TRIM59: variants seen among roughly 807,000 people sequenced by gnomAD.
TRIM59 encodes the protein tripartite motif-containing protein 59.
In TRIM59, 14 loss-of-function variants were observed where a neutral mutation model predicts 32.2. That is an observed-to-expected ratio of 0.43 (90% CI 0.29 to 0.68). TRIM59 has a LOEUF of 0.68. Ranked by LOEUF, TRIM59 falls within the 30% of genes least tolerant of loss-of-function variation. The probability of loss-of-function intolerance (pLI) is 0.15; values close to 1 mark genes in which losing one functional copy is unlikely to be tolerated. For missense variants in TRIM59, 471 were observed against 463.3 expected, an observed-to-expected ratio of 1.02 and a Z score of -0.15; for synonymous variants, 163 against 155.1, an observed-to-expected ratio of 1.05 and a Z score of -0.38.
At position 160,436,416 on chromosome 3, in the gene TRIM59, C is replaced by T. The variant is rs138943976; in HGVS notation, c.*1556G>A. On this transcript the variant is annotated 3_prime_UTR_variant, in exon 3 of 3. Coordinates refer to ENST00000309784, the MANE Select transcript of TRIM59 (RefSeq NM_173084.3). ...GTTGCATGGACAGTGGGCCAAAAGT[C>T]GTAACACATGCATCATAACTCCAGT... is the stretch of plus-strand genomic sequence containing the variant. 1.0e-4 allele frequency: 102 copies of T among 985,888 alleles called. 1 individual carries two copies. The East Asian group carries it at 9.0e-3, about 87-fold the overall frequency. 61.1% of individuals were successfully genotyped at this position (985,888 alleles called of 1,614,324 possible).
At chr3:160,441,807 A>T (rs1032029814) in intron 2 of TRIM59, among the ~76,000 whole-genome samples, 1 of 152,110 alleles carries the variant, frequency 6.6e-6, no homozygotes, top group African/African-American at 2.4e-5. Flanking sequence ...TCAAACTGAC[A>T]ATATTCAGAT....
chr3:160,446,648 A>G (rs1719544151), intron 2 of TRIM59, among the ~76,000 whole-genome samples: 1 of 152,150 alleles, frequency 6.6e-6, no homozygotes, highest in African/African-American at 2.4e-5. Context: ...GGGAAGATGT[A>G]GAGTTATCAT....
rs1315572689 is a variant in TRIM59 at position 160,438,404 on chromosome 3, A to C, written c.780T>G (p.His260Gln). Residue 260 changes from histidine to glutamine, a missense_variant, in exon 3 of 3, where the codon CAT (histidine) becomes CAG (glutamine). Coordinates refer to ENST00000309784, the MANE Select transcript of TRIM59 (RefSeq NM_173084.3). ...FLEKVDDVRQHVQILKQRPLP... is the reference protein window; with the variant it reads ...FLEKVDDVRQQVQILKQRPLP... ...GTGGTCTTTGTTTCAAGATCTGTAC[A>C]TGCTGGCGTACATCATCAACTTTTT... 3 of 1,614,022 alleles carry C rather than the reference A, an allele frequency of 1.9e-6. No individual in the cohort carries two copies. Among genetic ancestry groups the C allele is most frequent in the Middle Eastern group, 1.7e-4 (1 of 6,060 alleles).
In TRIM59 at chr3:160,438,367, G is replaced by C; in HGVS notation, c.817C>G (p.Gln273Glu). 6.2e-7 allele frequency: 1 copy of C among 1,613,656 alleles called. No individual in the cohort carries two copies. The highest frequency in any genetic ancestry group is 2.2e-5 in the East Asian group (1 of 44,860). ...ACTCGAGGATAAATTTCAACGGGTT[G>C]AACCTCAGGAAGTGGTCTTTGTTTC... is the stretch of plus-strand genomic sequence containing the variant. ...ILKQRPLPEVQPVEIYPRVSK... is the reference protein window; with the variant it reads ...ILKQRPLPEVEPVEIYPRVSK... The change falls in exon 3 of 3, where the codon CAA becomes GAA. Residue 273 changes from glutamine to glutamate, a missense_variant. Gln to Glu is a conservative substitution (Grantham distance 29). Transcript: ENST00000309784.
intron 2 of TRIM59, among the ~76,000 whole-genome samples, chr3:160,440,845 C>A (rs149361382): frequency 1.3e-5 from 2 of 151,858 alleles, no homozygotes; most frequent in Non-Finnish European, 2.9e-5. Context: ...CAGTAGGTGG[C>A]GGTTGCAGTG....
Position 160,436,366 on chromosome 3 carries a change from G to GA in TRIM59, c.*1605dup, listed in dbSNP as rs1718946008. The GA allele has an allele frequency of 2.0e-6, 2 of 986,108 alleles. No individual in the cohort carries two copies. 61.1% of individuals were successfully genotyped at this position (986,108 alleles called of 1,614,324 possible). A position where few individuals can be genotyped will look rare whatever the true frequency, so the allele number is the denominator to read the frequency against. On this transcript the variant is annotated 3_prime_UTR_variant, in exon 3 of 3. Transcript: ENST00000309784. ...AAGAGCAGCCCCTTTGGGATTTCTG[G>GA]AAAGCAAATCAACCTGCACTTAGAG...
rs748177360 is a variant in TRIM59, at chr3:160,438,364, G to A, written c.820C>T (p.Pro274Ser). The A allele has an allele frequency of 4.3e-6, 7 of 1,613,562 alleles. No homozygotes were observed. Among genetic ancestry groups the A allele is most frequent in the Middle Eastern group, 1.6e-4 (1 of 6,082 alleles). Reference sequence around the variant, plus strand: ...CTTACTCGAGGATAAATTTCAACGGGTTGAACCTCAGGAAGTGGTCTTTGT... The same window carrying A: ...CTTACTCGAGGATAAATTTCAACGGATTGAACCTCAGGAAGTGGTCTTTGT... ...LKQRPLPEVQPVEIYPRVSKI... is the reference protein window; with the variant it reads ...LKQRPLPEVQSVEIYPRVSKI... Residue 274 changes from proline (P) to serine (S), a missense_variant, in exon 3 of 3, where the codon CCC becomes TCC. By Grantham distance (74) the Pro-to-Ser change is moderately conservative. Transcript: ENST00000309784.
intron 2 of TRIM59, among the ~76,000 whole-genome samples, chr3:160,446,630 T>C (rs1719543151): frequency 6.6e-6 from 1 of 152,162 alleles, no homozygotes; most frequent in Non-Finnish European, 1.5e-5. Context: ...TGCCAGGGCT[T>C]GAGAGCAGGG....
At chr3:160,442,032 A>G (rs1259944010) in intron 2 of TRIM59, among the ~76,000 whole-genome samples, 1 of 152,244 alleles carries the variant, frequency 6.6e-6, no homozygotes, top group Non-Finnish European at 1.5e-5. Flanking sequence ...TGTGTTTTTC[A>G]GAGTATTTCA....
rs1719052447 is a variant in TRIM59 at position 160,437,758 on chromosome 3, T to G, written c.*214A>C. On this transcript the variant is annotated 3_prime_UTR_variant, in exon 3 of 3. Transcript: ENST00000309784. ...TAAAAATGGGATAGTGTATTACTTTTCAAATTGTTACTAGATTCTGTTTCC... is the reference window on the plus strand; with the variant it reads ...TAAAAATGGGATAGTGTATTACTTTGCAAATTGTTACTAGATTCTGTTTCC... 1 of 1,218,596 alleles carries G rather than the reference T, an allele frequency of 8.2e-7. No individual in the cohort carries two copies. The highest frequency in any genetic ancestry group is 1.0e-6 in the Non-Finnish European group (1 of 980,042). 75.5% of individuals were successfully genotyped at this position (1,218,596 alleles called of 1,614,324 possible).
At position 160,436,389 on chromosome 3, in the gene TRIM59, G is replaced by A. The variant is rs1245058467; in HGVS notation, c.*1583C>T. On this transcript the variant is annotated 3_prime_UTR_variant, in exon 3 of 3. Coordinates refer to ENST00000309784, the MANE Select transcript of TRIM59 (RefSeq NM_173084.3). Reference sequence around the variant, plus strand: ...TGGAAAGCAAATCAACCTGCACTTAGAGTTGCATGGACAGTGGGCCAAAAG... The same window carrying A: ...TGGAAAGCAAATCAACCTGCACTTAAAGTTGCATGGACAGTGGGCCAAAAG... 1.0e-6 allele frequency: 1 copy of A among 986,124 alleles called. No homozygotes were observed. Among genetic ancestry groups the A allele is most frequent in the Non-Finnish European group, 1.2e-6 (1 of 830,156 alleles). 61.1% of individuals were successfully genotyped at this position (986,124 alleles called of 1,614,324 possible). A position where few individuals can be genotyped will look rare whatever the true frequency, so the allele number is the denominator to read the frequency against.
Position 160,438,563 on chromosome 3 carries a change from G to T in TRIM59, c.621C>A (p.Leu207=). The T allele has an allele frequency of 3.1e-6, 5 of 1,611,118 alleles. No individual in the cohort carries two copies. Among genetic ancestry groups the T allele is most frequent in the Non-Finnish European group, 4.2e-6 (5 of 1,179,252 alleles). The change falls in exon 3 of 3, where the codon CTC becomes CTA. Residue 207 remains leucine, a synonymous_variant. Transcript: ENST00000309784. Reference sequence around the variant, plus strand: ...GATTAATTAGATTGCCAACATCACAGAGAGCCGTTAGGAAACTTTTTTTTT... The same window carrying T: ...GATTAATTAGATTGCCAACATCACATAGAGCCGTTAGGAAACTTTTTTTTT... ...EQKKKSFLTA[L]CDVGNLINQE... is the part of the protein sequence containing the mutation.
chr3:160,449,568 G>A lies in TRIM59; in HGVS notation c.-74+149C>T, dbSNP rs1014331482. 3.9e-5 allele frequency: 50 copies of A among 1,287,552 alleles called. No homozygotes were observed. The East Asian group carries it at 3.9e-4, about 10-fold the overall frequency. The allele number at this position is 1,287,552 out of a possible 1,614,324, so 79.8% of individuals were successfully genotyped here. A position where few individuals can be genotyped will look rare whatever the true frequency, so the allele number is the denominator to read the frequency against. ...CCCAAACTCCAGTATGGGACAAGAGGGAATGAGTGCAGGTCCCAAGCCACT... is the reference window on the plus strand; with the variant it reads ...CCCAAACTCCAGTATGGGACAAGAGAGAATGAGTGCAGGTCCCAAGCCACT... On this transcript the variant is annotated intron_variant, in intron 1 of 2. Coordinates refer to ENST00000309784, the MANE Select transcript of TRIM59 (RefSeq NM_173084.3).
intron 2 of TRIM59, among the ~76,000 whole-genome samples, chr3:160,445,101 A>G (rs983434922): frequency 6.6e-6 from 1 of 151,980 alleles, no homozygotes; most frequent in African/African-American, 2.4e-5. Context: ...AAAAAAAAAA[A>G]GAGGAAAAGT....
rs937363250 is a variant in TRIM59 at position 160,435,736 on chromosome 3, T to C, written c.*2236A>G. ...AATGTCAAATCTAAAATGATATATA[T>C]ACTTACGTTTTTAGCATTCTTACAG... On this transcript the variant is annotated 3_prime_UTR_variant, in exon 3 of 3. Coordinates refer to ENST00000309784, the MANE Select transcript of TRIM59 (RefSeq NM_173084.3). 3 of 332,654 alleles carry C rather than the reference T, an allele frequency of 9.0e-6. No homozygotes were observed. The highest frequency in any genetic ancestry group is 1.2e-5 in the Non-Finnish European group (2 of 169,062). 20.6% of individuals were successfully genotyped at this position (332,654 alleles called of 1,614,324 possible). A position where few individuals can be genotyped will look rare whatever the true frequency, so the allele number is the denominator to read the frequency against.
Position 160,438,144 on chromosome 3 carries a change from A to C in TRIM59, c.1040T>G (p.Phe347Cys), listed in dbSNP as rs1560023379. The change falls in exon 3 of 3, where the codon TTT becomes TGT. Residue 347 changes from phenylalanine (F) to cysteine (C), a missense_variant. Physicochemically the swap from Phe to Cys is radical, Grantham distance 205. Transcript: ENST00000309784. ...LISVILMSIL[F>C]FNQHIITFLS... ...AAAGGTTATGATGTGTTGGTTGAAA[A>C]AGAGTATCGACATCAGTATTACTGA... 4 of 1,611,660 alleles carry C rather than the reference A, an allele frequency of 2.5e-6. No individual in the cohort carries two copies. The highest frequency in any genetic ancestry group is 3.4e-6 in the Non-Finnish European group (4 of 1,179,238).
intron 1 of TRIM59, 194 bp from the exon 2 acceptor site, chr3:160,448,989 CCAAA>C: frequency 3.4e-6 from 1 of 294,890 alleles, no homozygotes; most frequent in Non-Finnish European, 6.6e-6. Context: ...CTAACTCTGA[CCAAA>C]CAGACTGTCA....
At position 160,437,724 on chromosome 3, in the gene TRIM59, T is replaced by C; in HGVS notation, c.*248A>G. Reference sequence around the variant, plus strand: ...CACAGCAACATTATGTCAACCATCATAAAGCCAATAAAAATGGGATAGTGT... The same window carrying C: ...CACAGCAACATTATGTCAACCATCACAAAGCCAATAAAAATGGGATAGTGT... On this transcript the variant is annotated 3_prime_UTR_variant, in exon 3 of 3. Coordinates refer to ENST00000309784, the MANE Select transcript of TRIM59 (RefSeq NM_173084.3). 1 of 1,136,800 alleles carries C rather than the reference T, an allele frequency of 8.8e-7. No homozygotes were observed. Among genetic ancestry groups the C allele is most frequent in the Non-Finnish European group, 1.1e-6 (1 of 929,048 alleles). The allele number at this position is 1,136,800 out of a possible 1,614,324, so 70.4% of individuals were successfully genotyped here.
In TRIM59 at chr3:160,438,081, G is replaced by A; in HGVS notation, c.1103C>T (p.Ser368Phe). 1 of 1,610,106 alleles carries A rather than the reference G, an allele frequency of 6.2e-7. No homozygotes were observed. The highest frequency in any genetic ancestry group is 8.5e-7 in the Non-Finnish European group (1 of 1,177,822). The change falls in exon 3 of 3, where the codon TCT becomes TTT. Residue 368 changes from serine (S) to phenylalanine (F), a missense_variant. Coordinates refer to ENST00000309784, the MANE Select transcript of TRIM59 (RefSeq NM_173084.3). ...EITLIWFSEA[S>F]LSVYQSLSNS... ...AGATAAACTTTGGTAAACAGATAGA[G>A]AGGCTTCAGAAAACCATATTAAAGT...
Sources: gnomAD v4.1 joint callset for allele counts (sites outside exome capture counted in the v4.1 genomes callset) on GRCh38, gnomAD v4.1.1 for gene constraint, MANE v1.5 for transcripts, NCBI Gene and HGNC (gene_info 2026-07-23, HGNC 2026-07-21) for gene names.